MYO5C: variants seen among roughly 807,000 people sequenced by gnomAD.
The protein encoded by MYO5C is unconventional myosin-Vc.
MYO5C carries 194 observed loss-of-function variants against 235.7 expected under a neutral mutation model. That is an observed-to-expected ratio of 0.82 (90% CI 0.73 to 0.93). The LOEUF is 0.93. Ranked by LOEUF, MYO5C falls within the 40% of genes least tolerant of loss-of-function variation. The pLI is 0.00. For missense variants in MYO5C, 2,038 were observed against 2,127.2 expected, an observed-to-expected ratio of 0.96 and a Z score of 0.82; for synonymous variants, 707 against 754.8, an observed-to-expected ratio of 0.94 and a Z score of 1.04.
At chr15:52,254,366 C>G (rs2141338756) in intron 11 of MYO5C, among the ~76,000 whole-genome samples, 1 of 152,234 alleles carries the variant, frequency 6.6e-6, no homozygotes, top group East Asian at 1.9e-4. Context: ...GCGAAGAGGT[C>G]AGGATGAATG....
At chr15:52,219,957 G>A in intron 30 of MYO5C, 135 bp from the exon 31 acceptor site, 1 of 632,524 alleles carries the variant, frequency 1.6e-6, no homozygotes, top group Non-Finnish European at 2.8e-6. Flanking sequence ...GGCCCATATT[G>A]GAAGAAGAAT....
In MYO5C at chr15:52,200,872, G is replaced by C. The variant is rs140377877; in HGVS notation, c.4820+3993C>G. ...AAAGAAAAACCAAATGGAAATTTTAGAATTGAAAAATACAATAATAGAAAT... is the reference window on the plus strand; with the variant it reads ...AAAGAAAAACCAAATGGAAATTTTACAATTGAAAAATACAATAATAGAAAT... On this transcript the variant is annotated intron_variant, in intron 38 of 40. Transcript: ENST00000261839. 3.9e-4 allele frequency among the ~76,000 whole-genome samples: 59 copies of C among 152,140 alleles called. No individual in the cohort carries two copies. The East Asian group carries it at 0.01, about 26-fold the overall frequency.
intron 24 of MYO5C, among the ~76,000 whole-genome samples, chr15:52,230,510 G>A (rs1378262879): frequency 3.3e-5 from 5 of 151,978 alleles, no homozygotes; most frequent in Admixed American, 3.3e-4. Context: ...CCGGGTTCAA[G>A]TGATTCTCCT....
Position 52,193,815 on chromosome 15 carries a change from A to G in MYO5C, c.*87T>C, listed in dbSNP as rs1313014999. 9.1e-6 allele frequency: 13 copies of G among 1,436,116 alleles called. No individual in the cohort carries two copies. The highest frequency in any genetic ancestry group is 1.2e-5 in the Non-Finnish European group (13 of 1,053,036). The allele number at this position is 1,436,116 out of a possible 1,614,324, so 89.0% of individuals were successfully genotyped here. On this transcript the variant is annotated 3_prime_UTR_variant, in exon 41 of 41. Coordinates refer to ENST00000261839, the MANE Select transcript of MYO5C (RefSeq NM_018728.4). ...GTTTTCTTCCTTAAATCACATTCCA[A>G]TTTCCACTGCCAATTAATAAAACAC... is the stretch of plus-strand genomic sequence containing the variant.
chr15:52,224,256 C>G (rs1277062914), intron 28 of MYO5C, among the ~76,000 whole-genome samples: 1 of 152,182 alleles, frequency 6.6e-6, no homozygotes, highest in Non-Finnish European at 1.5e-5. Flanking sequence ...GCACTCCAGC[C>G]TGGGTAACAG....
chr15:52,263,075 G>A (rs761258754), intron 9 of MYO5C, among the ~76,000 whole-genome samples: 15 of 152,142 alleles, frequency 9.9e-5, no homozygotes, highest in African/African-American at 1.4e-4. Flanking sequence ...CACCAGAACC[G>A]ACCAGGCTGA....
In MYO5C at chr15:52,211,796, CAG is replaced by C; in HGVS notation, c.4228_4229del (p.Leu1410GlufsTer2). 6.2e-7 allele frequency: 1 copy of C among 1,614,202 alleles called. No individual in the cohort carries two copies. Among genetic ancestry groups the C allele is most frequent in the African/African-American group, 1.3e-5 (1 of 75,056 alleles). On this transcript the variant is annotated frameshift_variant, in exon 35 of 41. Coordinates refer to ENST00000261839, the MANE Select transcript of MYO5C (RefSeq NM_018728.4). LOFTEE classifies it high-confidence loss of function. ...LFMCVRYADSLNDANMLKSLM... is the reference protein window; with the variant it reads ...LFMCVRYADSXNDANMLKSLM... Reference sequence around the variant, plus strand: ...GGGACTTCAGCATGTTGGCATCATTCAGAGAGTCTGCGTAGCGCACACACATG... The same window carrying C: ...GGGACTTCAGCATGTTGGCATCATTCAGAGTCTGCGTAGCGCACACACATG...
chr15:52,261,307 G>T (rs935777169), intron 9 of MYO5C, among the ~76,000 whole-genome samples, 180 bp from the exon 10 acceptor site: 5 of 152,256 alleles, frequency 3.3e-5, no homozygotes, highest in African/African-American at 1.2e-4. Flanking sequence ...GGGGGCTACA[G>T]CAGCACGGGT....
At chr15:52,292,035 G>A (rs11070892) in intron 1 of MYO5C, among the ~76,000 whole-genome samples, 112,107 of 152,008 alleles carry the variant, frequency 0.74, 44,823 homozygotes, top group Middle Eastern at 0.91. Flanking sequence ...CACCGCACCC[G>A]GCCGCATATT....
At chr15:52,226,593 T>C (rs2035827326) in intron 25 of MYO5C, among the ~76,000 whole-genome samples, 1 of 152,196 alleles carries the variant, frequency 6.6e-6, no homozygotes, top group Non-Finnish European at 1.5e-5. Context: ...CTAGAAGACC[T>C]AATCCTCCTA....
intron 19 of MYO5C, 170 bp from the exon 20 acceptor site, chr15:52,242,383 C>T: frequency 1.5e-6 from 1 of 675,884 alleles, no homozygotes; most frequent in Non-Finnish European, 2.5e-6. Context: ...AGGCCAGTCC[C>T]CAGTTCCCTG....
At chr15:52,213,441 A>C (rs1284373147) in intron 33 of MYO5C, 155 bp from the exon 34 acceptor site, 1 of 582,244 alleles carries the variant, frequency 1.7e-6, no homozygotes, top group Non-Finnish European at 3.1e-6. Context: ...ATCCTGAAGA[A>C]TTTCTCCAAG....
chr15:52,231,034 G>T (rs932508533), intron 24 of MYO5C, among the ~76,000 whole-genome samples: 1 of 151,738 alleles, frequency 6.6e-6, no homozygotes, highest in Non-Finnish European at 1.5e-5. Context: ...CACCATGTTG[G>T]CCAGCCTGGT....
chr15:52,269,447 A>G (rs2036874264), intron 8 of MYO5C, among the ~76,000 whole-genome samples: 1 of 133,946 alleles, frequency 7.5e-6, no homozygotes, highest in South Asian at 2.4e-4. Context: ...GCTGGAGTGC[A>G]GTGGTGTGAT....
chr15:52,295,484 GCGCC>G, intron 1 of MYO5C, 122 bp downstream of exon 1: 6 of 1,151,154 alleles, frequency 5.2e-6, no homozygotes, highest in Non-Finnish European at 6.9e-6. Context: ...CCCCCAGCGC[GCGCC>G]CGCCCGCCCT....
intron 1 of MYO5C, among the ~76,000 whole-genome samples, chr15:52,284,616 TAAAC>T (rs919453520): frequency 3.9e-5 from 6 of 152,150 alleles, no homozygotes; most frequent in Non-Finnish European, 7.3e-5. Flanking sequence ...CACAAAAAAT[TAAAC>T]AAATATGGAA....
chr15:52,279,271 T>C (rs1215462544), intron 3 of MYO5C, among the ~76,000 whole-genome samples: 1 of 152,158 alleles, frequency 6.6e-6, no homozygotes, highest in Non-Finnish European at 1.5e-5. Context: ...AGTAATATCA[T>C]TGCCCAAAAT....
Position 52,261,078 on chromosome 15 carries a change from C to T in MYO5C, c.1097G>A (p.Ser366Asn), listed in dbSNP as rs758442141. 1.9e-6 allele frequency: 3 copies of T among 1,614,092 alleles called. No individual in the cohort carries two copies. Among genetic ancestry groups the T allele is most frequent in the Non-Finnish European group, 2.5e-6 (3 of 1,180,048 alleles). Reference protein sequence around the residue: ...KVFCELLGLESGRVAQWLCNR... With the variant: ...KVFCELLGLENGRVAQWLCNR... ...GCACAGCCACTGAGCAACTCTGCCACTCTCCAGGCCCAGGAGCTCACAGAA... is the reference window on the plus strand; with the variant it reads ...GCACAGCCACTGAGCAACTCTGCCATTCTCCAGGCCCAGGAGCTCACAGAA... The change falls in exon 10 of 41, where the codon AGT becomes AAT. Residue 366 changes from serine to asparagine, a missense_variant. By Grantham distance (46) the Ser-to-Asn change is conservative. Transcript: ENST00000261839.
At chr15:52,201,555 T>C (rs2035187532) in intron 38 of MYO5C, among the ~76,000 whole-genome samples, 1 of 152,168 alleles carries the variant, frequency 6.6e-6, no homozygotes, top group South Asian at 2.1e-4. Flanking sequence ...AGGAAAATTA[T>C]ATCAAAATGA....
Sources: gnomAD v4.1 joint callset for allele counts (sites outside exome capture counted in the v4.1 genomes callset) on GRCh38, gnomAD v4.1.1 for gene constraint, MANE v1.5 for transcripts, NCBI Gene and HGNC (gene_info 2026-07-23, HGNC 2026-07-21) for gene names.